The following IGF1 variants were observed in gnomAD, a reference collection of about 807,000 sequenced individuals.
IGF1 encodes the protein insulin like growth factor 1.
IGF1 carries 4 observed loss-of-function variants against 13.8 expected under a neutral mutation model. The observed-to-expected ratio is 0.29, with a 90% CI of 0.14 to 0.66. The LOEUF is 0.66. Among genes scored for constraint, IGF1 ranks in the 30% least tolerant of loss-of-function variants. The pLI, the probability that IGF1 is intolerant of heterozygous loss-of-function variation, is 0.78. For synonymous variants in IGF1, 76 were observed against 72.6 expected (o/e 1.05, Z -0.23); for missense variants, 124 against 188.5 (o/e 0.66, Z 2.00).
chr12:102,439,704 C>A (rs1877540355), intron 2 of IGF1, among the ~76,000 whole-genome samples: 2 of 137,184 alleles, frequency 1.5e-5, no homozygotes, highest in African/African-American at 2.7e-5. Context: ...TGGAAAAGAT[C>A]CAGCTAGGAG....
At chr12:102,413,808 A>T (rs1250332639) in intron 3 of IGF1, among the ~76,000 whole-genome samples, 1 of 152,184 alleles carries the variant, frequency 6.6e-6, no homozygotes, top group African/African-American at 2.4e-5. Flanking sequence ...AAAGTTCATT[A>T]TATGACCCGG....
At chr12:102,461,181 C>T in intron 2 of IGF1, among the ~76,000 whole-genome samples, 1 of 152,192 alleles carries the variant, frequency 6.6e-6, no homozygotes. Flanking sequence ...AACTGGTCCT[C>T]TCTCACTTTA....
At chr12:102,423,229 C>T (rs1025963631) in intron 2 of IGF1, 2 of 113,840 alleles carry the variant, frequency 1.8e-5, no homozygotes, top group Admixed American at 1.3e-4. Context: ...ATGCTCTAAA[C>T]ACTTTTTAAT....
intron 1 of IGF1, chr12:102,478,683 C>T: frequency 7.4e-7 from 1 of 1,342,698 alleles, no homozygotes; most frequent in Non-Finnish European, 9.6e-7. Flanking sequence ...GCCTTTTGTC[C>T]ATTGAAACAA....
At chr12:102,435,127 A>C (rs1877110954) in intron 2 of IGF1, among the ~76,000 whole-genome samples, 1 of 152,258 alleles carries the variant, frequency 6.6e-6, no homozygotes, top group Non-Finnish European at 1.5e-5. Context: ...TAAAGTGCAC[A>C]AGAAAAGTGC....
At chr12:102,448,188 G>A (rs534750395) in intron 2 of IGF1, among the ~76,000 whole-genome samples, 30 of 148,308 alleles carry the variant, frequency 2.0e-4, no homozygotes, top group Admixed American at 8.7e-4. Context: ...CCCATTACTG[G>A]GTATATACCC....
chr12:102,408,396 C>T (rs895693039), intron 3 of IGF1, among the ~76,000 whole-genome samples: 2 of 152,100 alleles, frequency 1.3e-5, no homozygotes, highest in African/African-American at 2.4e-5. Context: ...CCAGGCAAAG[C>T]GAGGGTCATG....
intron 3 of IGF1, among the ~76,000 whole-genome samples, chr12:102,412,555 C>G (rs2136971393): frequency 6.6e-6 from 1 of 152,304 alleles, no homozygotes; most frequent in Middle Eastern, 3.4e-3. Flanking sequence ...TTCTAACCAT[C>G]ATACTTCCAC....
At chr12:102,475,011 A>T (rs1218683290) in intron 2 of IGF1, among the ~76,000 whole-genome samples, 1 of 152,176 alleles carries the variant, frequency 6.6e-6, no homozygotes, top group Non-Finnish European at 1.5e-5. Context: ...ATGCCAAAAG[A>T]GAGCAACAAC....
chr12:102,477,117 C>CA (rs746207143), intron 1 of IGF1, among the ~76,000 whole-genome samples: 1 of 151,966 alleles, frequency 6.6e-6, no homozygotes, highest in Non-Finnish European at 1.5e-5. Flanking sequence ...CATTCAACCC[C>CA]ATCACTTTTG....
chr12:102,402,969 G>A (rs1411095239), intron 3 of IGF1, among the ~76,000 whole-genome samples: 1 of 152,082 alleles, frequency 6.6e-6, no homozygotes, highest in African/African-American at 2.4e-5. Flanking sequence ...ATTGCAGTTT[G>A]TTCTGTTTTA....
chr12:102,419,321 C>T (rs572623946), intron 3 of IGF1, among the ~76,000 whole-genome samples, 188 bp downstream of exon 3: 23 of 152,130 alleles, frequency 1.5e-4, no homozygotes, highest in African/African-American at 1.9e-4. Flanking sequence ...TCGTCCATAG[C>T]GGTGGGAGGG....
chr12:102,426,100 A>G (rs1876178623), intron 2 of IGF1, among the ~76,000 whole-genome samples: 1 of 152,220 alleles, frequency 6.6e-6, no homozygotes, highest in African/African-American at 2.4e-5. Flanking sequence ...CATATTACAG[A>G]ATTTGAGTAT....
At chr12:102,422,639 A>G (rs1875836796) in intron 2 of IGF1, among the ~76,000 whole-genome samples, 1 of 152,220 alleles carries the variant, frequency 6.6e-6, no homozygotes, top group South Asian at 2.1e-4. Flanking sequence ...GCCTGATACA[A>G]TGTAATTTAT....
intron 2 of IGF1, among the ~76,000 whole-genome samples, chr12:102,427,183 G>C (rs566538965): frequency 5.3e-5 from 8 of 152,148 alleles, no homozygotes; most frequent in South Asian, 2.1e-4. Context: ...AATCGCATAC[G>C]TGGGCCTTAG....
At chr12:102,445,365 A>C (rs988731877) in intron 2 of IGF1, among the ~76,000 whole-genome samples, 2 of 152,220 alleles carry the variant, frequency 1.3e-5, no homozygotes, top group African/African-American at 2.4e-5. Flanking sequence ...CTTCCTATCC[A>C]TGAGCATGGA....
chr12:102,451,676 G>C (rs1309547706), intron 2 of IGF1, among the ~76,000 whole-genome samples: 1 of 152,202 alleles, frequency 6.6e-6, no homozygotes, highest in East Asian at 1.9e-4. Flanking sequence ...TCCCTTCCTT[G>C]CTATTGTTTG....
intron 2 of IGF1, among the ~76,000 whole-genome samples, chr12:102,424,990 C>A (rs1170895236): frequency 6.6e-6 from 1 of 152,198 alleles, no homozygotes; most frequent in Non-Finnish European, 1.5e-5. Context: ...GCTTTTACTA[C>A]TGTCAACTGG....
rs568800654 is a variant in IGF1 at position 102,452,985 on chromosome 12, A to G, written c.220+22658T>C. 2.0e-5 allele frequency among the ~76,000 whole-genome samples: 3 copies of G among 152,320 alleles called. No individual in the cohort carries two copies. In the South Asian group the frequency reaches 6.2e-4, roughly 32 times the overall value. On this transcript the variant is annotated intron_variant, in intron 2 of 3. Transcript: ENST00000337514. ...TCAATATGAGAAAAAAAAAGGCTTT[A>G]ATTAAATTGGGTGTTTTTGAATCTT... is the stretch of plus-strand genomic sequence containing the variant.
Sources: gnomAD v4.1 joint callset for allele counts (sites outside exome capture counted in the v4.1 genomes callset) on GRCh38, gnomAD v4.1.1 for gene constraint, MANE v1.5 for transcripts, NCBI Gene and HGNC (gene_info 2026-07-23, HGNC 2026-07-21) for gene names.